The following NKAIN2 variants were observed in gnomAD, a reference collection of about 807,000 sequenced individuals.
The protein encoded by NKAIN2 is sodium/potassium-transporting ATPase subunit beta-1-interacting protein 2.
In NKAIN2, 14 loss-of-function variants were observed where a neutral mutation model predicts 32.6. That is an observed-to-expected ratio of 0.43 (90% confidence interval 0.28 to 0.67). NKAIN2 has a LOEUF of 0.67. Ranked by LOEUF, NKAIN2 falls within the 30% of genes least tolerant of loss-of-function variation. NKAIN2 has a pLI of 0.17. For synonymous variants in NKAIN2, 80 were observed against 87.2 expected (o/e 0.92, Z 0.46); for missense variants, 198 against 258.3 (o/e 0.77, Z 1.60).
At chr6:124,508,489 C>CG (rs1047731093) in intron 3 of NKAIN2, among the ~76,000 whole-genome samples, 1 of 123,306 alleles carries the variant, frequency 8.1e-6, no homozygotes, top group African/African-American at 3.0e-5. Context: ...GGACTACAGG[C>CG]GCCACCATGC....
chr6:123,996,947 T>C (rs1014428925), intron 1 of NKAIN2, among the ~76,000 whole-genome samples: 2 of 152,194 alleles, frequency 1.3e-5, no homozygotes, highest in African/African-American at 4.8e-5. Flanking sequence ...TGAATACTTT[T>C]TGATATCATC....
intron 3 of NKAIN2, among the ~76,000 whole-genome samples, chr6:124,409,824 G>A (rs562438863): frequency 6.4e-4 from 98 of 152,202 alleles, no homozygotes; most frequent in African/African-American, 2.3e-3. Flanking sequence ...ATCTGGTCCT[G>A]GACTTTTTTT....
At chr6:124,425,677 C>A (rs886065580) in intron 3 of NKAIN2, among the ~76,000 whole-genome samples, 1 of 152,022 alleles carries the variant, frequency 6.6e-6, no homozygotes, top group African/African-American at 2.4e-5. Flanking sequence ...GACGTACCTA[C>A]CAATGGTCAA....
chr6:124,106,354 A>G (rs1331704228), intron 1 of NKAIN2, among the ~76,000 whole-genome samples: 1 of 152,154 alleles, frequency 6.6e-6, no homozygotes, highest in African/African-American at 2.4e-5. Flanking sequence ...TTAAGAGTTT[A>G]TGATTTTTTT....
At chr6:124,079,211 G>A (rs531093285) in intron 1 of NKAIN2, among the ~76,000 whole-genome samples, 5 of 152,146 alleles carry the variant, frequency 3.3e-5, no homozygotes, top group South Asian at 4.2e-4. Flanking sequence ...CCAGCTACTC[G>A]GGAGGCTGAG....
chr6:124,038,081 G>T lies in NKAIN2; in HGVS notation c.54+233827G>T, dbSNP rs978317864. 9.9e-5 allele frequency among the ~76,000 whole-genome samples: 15 copies of T among 152,216 alleles called. No individual in the cohort carries two copies. In the South Asian group the frequency reaches 3.1e-3, roughly 32 times the overall value. On this transcript the variant is annotated intron_variant, in intron 1 of 6. Coordinates refer to ENST00000368417, the MANE Select transcript of NKAIN2 (RefSeq NM_001040214.3). ...CTTGGGCTAGTGTATCCCCTGAAGG[G>T]ACACAGGCTTGCTGGAATCGAGGAT...
chr6:123,954,846 C>T (rs577526934), intron 1 of NKAIN2, among the ~76,000 whole-genome samples: 12 of 152,138 alleles, frequency 7.9e-5, no homozygotes, highest in Non-Finnish European at 1.0e-4. Context: ...AGGGGGTCAC[C>T]TTTCTGACTA....
At chr6:124,403,473 G>T (rs1171370514) in intron 3 of NKAIN2, among the ~76,000 whole-genome samples, 2 of 152,024 alleles carry the variant, frequency 1.3e-5, no homozygotes, top group African/African-American at 4.8e-5. Context: ...CGCTGGTTAG[G>T]AGTTATTCTC....
intron 3 of NKAIN2, among the ~76,000 whole-genome samples, chr6:124,480,871 G>A (rs1261703604): frequency 3.3e-5 from 5 of 152,090 alleles, no homozygotes; most frequent in East Asian, 1.9e-4. Flanking sequence ...TAAGAATGAC[G>A]CTTTACATTC....
chr6:124,707,954 C>G (rs1583687388), intron 4 of NKAIN2, among the ~76,000 whole-genome samples: 1 of 150,750 alleles, frequency 6.6e-6, no homozygotes, highest in Admixed American at 6.6e-5. Flanking sequence ...AGGTTTTCTT[C>G]TAGGGTTTTT....
At chr6:124,102,893 G>A (rs1784957422) in intron 1 of NKAIN2, among the ~76,000 whole-genome samples, 1 of 152,100 alleles carries the variant, frequency 6.6e-6, no homozygotes, top group Non-Finnish European at 1.5e-5. Context: ...GCCTAACAGT[G>A]TTTGGCTAGA....
intron 1 of NKAIN2, among the ~76,000 whole-genome samples, chr6:123,911,905 T>A (rs1775232407): frequency 6.8e-6 from 1 of 146,798 alleles, no homozygotes; most frequent in African/African-American, 2.5e-5. Context: ...AAACTGGGCA[T>A]CAACCAACCA....
intron 3 of NKAIN2, among the ~76,000 whole-genome samples, chr6:124,581,092 GT>G (rs1185446626): frequency 1.3e-5 from 2 of 152,308 alleles, no homozygotes. Context: ...AATAGCTGGA[GT>G]TTTCAGCACC....
At chr6:124,452,927 G>A (rs62437471) in intron 3 of NKAIN2, among the ~76,000 whole-genome samples, 2 of 152,000 alleles carry the variant, frequency 1.3e-5, no homozygotes, top group African/African-American at 2.4e-5. Flanking sequence ...ACAATTAGTT[G>A]AGTGGTTTGG....
chr6:124,384,423 G>T (rs1772795903), intron 3 of NKAIN2, among the ~76,000 whole-genome samples: 1 of 152,108 alleles, frequency 6.6e-6, no homozygotes, highest in African/African-American at 2.4e-5. Flanking sequence ...TCTTCACCAA[G>T]AATAAGTGGG....
Position 123,804,138 on chromosome 6 carries a change from A to G in NKAIN2, c.-63A>G. The G allele has an allele frequency of 6.9e-7, 1 of 1,458,420 alleles. No individual in the cohort carries two copies. Among genetic ancestry groups the G allele is most frequent in the Non-Finnish European group, 9.6e-7 (1 of 1,038,714 alleles). The allele number at this position is 1,458,420 out of a possible 1,614,324, so 90.3% of individuals were successfully genotyped here. ...GTCCTTCCCCGCGATCTGATTGGATAAAGTGGGGGCTCGACGGTGGCCGAC... is the reference window on the plus strand; with the variant it reads ...GTCCTTCCCCGCGATCTGATTGGATGAAGTGGGGGCTCGACGGTGGCCGAC... On this transcript the variant is annotated 5_prime_UTR_variant, in exon 1 of 7. The change creates a new upstream start codon in the 5' untranslated region. Transcript: ENST00000368417.
At chr6:124,713,302 C>T (rs1241368511) in intron 4 of NKAIN2, among the ~76,000 whole-genome samples, 1 of 152,078 alleles carries the variant, frequency 6.6e-6, no homozygotes, top group Non-Finnish European at 1.5e-5. Flanking sequence ...TCTTAATCAC[C>T]ATAATAAACC....
At chr6:124,163,014 T>C (rs1395727561) in intron 1 of NKAIN2, among the ~76,000 whole-genome samples, 1 of 152,084 alleles carries the variant, frequency 6.6e-6, no homozygotes, top group African/African-American at 2.4e-5. Context: ...TCTACCCTTA[T>C]TACACAATTG....
At chr6:124,476,815 T>A (rs1436178796) in intron 3 of NKAIN2, among the ~76,000 whole-genome samples, 1 of 152,122 alleles carries the variant, frequency 6.6e-6, no homozygotes, top group Non-Finnish European at 1.5e-5. Flanking sequence ...GTGATACATG[T>A]GACATTGAGG....
Sources: gnomAD v4.1 joint callset for allele counts (sites outside exome capture counted in the v4.1 genomes callset) on GRCh38, gnomAD v4.1.1 for gene constraint, MANE v1.5 for transcripts, NCBI Gene and HGNC (gene_info 2026-07-23, HGNC 2026-07-21) for gene names.